DENND2A: variants seen among roughly 807,000 people sequenced by gnomAD.
The protein encoded by DENND2A is DENN domain containing 2A.
DENND2A carries 53 observed loss-of-function variants against 105.3 expected under a neutral mutation model. The observed-to-expected ratio is 0.50, with a 90% CI of 0.40 to 0.63. The LOEUF is 0.63. DENND2A is among the 30% of genes least tolerant of loss of function. The probability of loss-of-function intolerance (pLI) is 0.00; values close to 1 mark genes in which losing one functional copy is unlikely to be tolerated. For missense variants in DENND2A, 1,138 were observed against 1,279.6 expected, an observed-to-expected ratio of 0.89 and a Z score of 1.69; for synonymous variants, 522 against 508.4, an observed-to-expected ratio of 1.03 and a Z score of -0.36.
chr7:140,519,594 AG>A, intron 19 of DENND2A, 37 bp downstream of exon 19: 1 of 1,582,870 alleles, frequency 6.3e-7, no homozygotes, highest in Non-Finnish European at 8.7e-7. Flanking sequence ...GACAGCTCAG[AG>A]GCACACAGGC....
chr7:140,585,497 C>T, intron 5 of DENND2A, 92 bp downstream of exon 5: 1 of 1,559,048 alleles, frequency 6.4e-7, no homozygotes. Flanking sequence ...GTGGAGGTGG[C>T]CTGGAATTCC....
At position 140,524,188 on chromosome 7, in the gene DENND2A, T is replaced by TA. The variant is rs749541376; in HGVS notation, c.2548-765dup. 1.6e-3 allele frequency among the ~76,000 whole-genome samples: 245 copies of TA among 152,158 alleles called. 1 individual carries two copies. The highest frequency in any genetic ancestry group is 2.2e-3 in the Non-Finnish European group (152 of 67,994). On this transcript the variant is annotated intron_variant, in intron 16 of 19. Transcript: ENST00000496613. ...GGCCTTGAGGAAGTGAAAGTAATGA[T>TA]AAAAAACAGCATTAATGCTACTGAA...
chr7:140,587,426 C>T (rs908889044), intron 4 of DENND2A, among the ~76,000 whole-genome samples: 3 of 152,138 alleles, frequency 2.0e-5, no homozygotes, highest in Non-Finnish European at 4.4e-5. Context: ...TCCTTGGCCA[C>T]TCATTACCAG....
At chr7:140,587,810 A>T in intron 3 of DENND2A, 30 bp from the exon 4 acceptor site, 2 of 1,522,170 alleles carry the variant, frequency 1.3e-6, no homozygotes, top group Non-Finnish European at 1.8e-6. Flanking sequence ...AGGAAAAAAC[A>T]AAGAATTTGA....
At chr7:140,590,262 C>T (rs1010333711) in intron 3 of DENND2A, among the ~76,000 whole-genome samples, 1 of 151,752 alleles carries the variant, frequency 6.6e-6, no homozygotes, top group African/African-American at 2.4e-5. Context: ...TGGTGGTGTG[C>T]ACCTGTAATC....
chr7:140,530,309 T>C (rs1380270126), intron 14 of DENND2A, among the ~76,000 whole-genome samples: 1 of 152,172 alleles, frequency 6.6e-6, no homozygotes, highest in Non-Finnish European at 1.5e-5. Flanking sequence ...TTAAAAAATA[T>C]ATGTACACAT....
At chr7:140,579,961 G>T (rs145732034) in intron 5 of DENND2A, among the ~76,000 whole-genome samples, 1 of 151,900 alleles carries the variant, frequency 6.6e-6, no homozygotes, top group African/African-American at 2.4e-5. Context: ...ATGAAACCCC[G>T]TCTCTACTAA....
intron 1 of DENND2A, among the ~76,000 whole-genome samples, chr7:140,616,053 A>G (rs559343799): frequency 8.6e-4 from 131 of 152,302 alleles, no homozygotes; most frequent in African/African-American, 2.9e-3. Flanking sequence ...GTGTAATTCA[A>G]TTCTCAAGAA....
At chr7:140,530,005 G>C (rs1393114034) in intron 14 of DENND2A, among the ~76,000 whole-genome samples, 1 of 151,168 alleles carries the variant, frequency 6.6e-6, no homozygotes, top group East Asian at 1.9e-4. Context: ...TTATGTTCCA[G>C]TTGAGCCCAA....
At chr7:140,639,574 T>G (rs1455121940) in intron 1 of DENND2A, among the ~76,000 whole-genome samples, 1 of 152,126 alleles carries the variant, frequency 6.6e-6, no homozygotes, top group African/African-American at 2.4e-5. Flanking sequence ...GAGAAGGGAT[T>G]TCTTTCTCTT....
chr7:140,569,386 G>C (rs1463433452), intron 7 of DENND2A, among the ~76,000 whole-genome samples: 3 of 152,228 alleles, frequency 2.0e-5, no homozygotes, highest in Admixed American at 6.5e-5. Context: ...AGCAAGGAAG[G>C]CTGCTCCCAC....
At chr7:140,535,021 T>C (rs1360432828) in intron 14 of DENND2A, among the ~76,000 whole-genome samples, 1 of 152,148 alleles carries the variant, frequency 6.6e-6, no homozygotes, top group Admixed American at 6.6e-5. Context: ...TGCCAAAGTT[T>C]TCCTGGAGCC....
rs1800593761 is a variant in DENND2A, at chr7:140,627,866, CT to C, written c.-248+12637del. Reference sequence around the variant, plus strand: ...TTTTTTTTTAAGACAGAGTTTCACTCTTGTCCTCCAGGCTGGAGTGGTTCAA... The same window carrying C: ...TTTTTTTTTAAGACAGAGTTTCACTCTGTCCTCCAGGCTGGAGTGGTTCAA... On this transcript the variant is annotated intron_variant, in intron 1 of 19. Coordinates refer to ENST00000496613, the MANE Select transcript of DENND2A (RefSeq NM_015689.5). Among the ~76,000 whole-genome samples, 3 of 151,634 alleles carry C rather than the reference CT, an allele frequency of 2.0e-5. No individual in the cohort carries two copies. In the South Asian group the frequency reaches 6.3e-4, roughly 32 times the overall value.
intron 19 of DENND2A, among the ~76,000 whole-genome samples, chr7:140,519,373 T>C (rs528762061): frequency 1.3e-5 from 2 of 152,274 alleles, no homozygotes; most frequent in Admixed American, 1.3e-4. Context: ...GATTTAACAG[T>C]GCAGGAGATC....
At chr7:140,623,393 G>A (rs902861459) in intron 1 of DENND2A, among the ~76,000 whole-genome samples, 10 of 150,046 alleles carry the variant, frequency 6.7e-5, no homozygotes, top group Non-Finnish European at 1.5e-4. Flanking sequence ...GAACATCTTA[G>A]TAAGGCTGTA....
chr7:140,573,766 G>C (rs752788795), intron 6 of DENND2A, 42 bp downstream of exon 6: 2 of 1,593,788 alleles, frequency 1.3e-6, no homozygotes, highest in South Asian at 2.2e-5. Flanking sequence ...CACAGAGAAG[G>C]GGTCATGCAT....
At chr7:140,602,682 C>A (rs1317404387) in intron 2 of DENND2A, 140 bp from the exon 3 acceptor site, 6 of 251,136 alleles carry the variant, frequency 2.4e-5, no homozygotes, top group Non-Finnish European at 3.0e-5. Context: ...AAAAAAAATT[C>A]ACTTTGTGGG....
At chr7:140,591,328 T>C (rs1475321353) in intron 3 of DENND2A, among the ~76,000 whole-genome samples, 1 of 152,176 alleles carries the variant, frequency 6.6e-6, no homozygotes, top group Middle Eastern at 3.2e-3. Context: ...TAAAAGATGG[T>C]TATTCACGTT....
chr7:140,588,422 T>C (rs1323979865), intron 3 of DENND2A, among the ~76,000 whole-genome samples: 1 of 152,182 alleles, frequency 6.6e-6, no homozygotes, highest in Non-Finnish European at 1.5e-5. Context: ...TATACTATTT[T>C]ACAAATCAGG....
Sources: gnomAD v4.1 joint callset for allele counts (sites outside exome capture counted in the v4.1 genomes callset) on GRCh38, gnomAD v4.1.1 for gene constraint, MANE v1.5 for transcripts, NCBI Gene and HGNC (gene_info 2026-07-23, HGNC 2026-07-21) for gene names.